Variants in DPYD observed in about 807,000 individuals in gnomAD.
DPYD encodes dihydropyrimidine dehydrogenase [NADP(+)].
A neutral mutation model predicts 116.2 loss-of-function variants in DPYD; 109 were observed. The observed-to-expected ratio is 0.94, with a 90% CI of 0.80 to 1.10. DPYD has a LOEUF of 1.10. DPYD is among the 50% of genes least tolerant of loss of function. DPYD has a pLI of 0.00. For missense variants in DPYD, 1,302 were observed against 1,254.5 expected, an observed-to-expected ratio of 1.04 and a Z score of -0.57; for synonymous variants, 440 against 432.0, an observed-to-expected ratio of 1.02 and a Z score of -0.23.
chr1:97,139,838 T>C (rs1361370410), intron 20 of DPYD, among the ~76,000 whole-genome samples: 1 of 152,120 alleles, frequency 6.6e-6, no homozygotes, highest in Non-Finnish European at 1.5e-5. Context: ...CTGTCACCCA[T>C]AGCTCTAAGG....
chr1:97,896,496 T>C (rs1293528244), intron 1 of DPYD, among the ~76,000 whole-genome samples: 1 of 151,820 alleles, frequency 6.6e-6, no homozygotes, highest in Non-Finnish European at 1.5e-5. Context: ...TTTAAGTGAC[T>C]TTATTTTTTT....
At chr1:97,555,793 G>T (rs907416138) in intron 11 of DPYD, among the ~76,000 whole-genome samples, 1 of 151,904 alleles carries the variant, frequency 6.6e-6, no homozygotes, top group Non-Finnish European at 1.5e-5. Context: ...CTCCACATGG[G>T]CCCAAGAATC....
intron 12 of DPYD, among the ~76,000 whole-genome samples, chr1:97,517,024 T>G (rs777580376): frequency 3.9e-5 from 6 of 152,096 alleles, no homozygotes; most frequent in Non-Finnish European, 7.4e-5. Context: ...GAGTGTGTCT[T>G]GTGTAGATAA....
chr1:97,483,498 G>C (rs545918274), intron 13 of DPYD, among the ~76,000 whole-genome samples: 27 of 152,250 alleles, frequency 1.8e-4, no homozygotes, highest in African/African-American at 5.3e-4. Context: ...ACTCGGTCCT[G>C]TTGGGGCTGG....
chr1:97,212,148 CA>C (rs1446612045), intron 19 of DPYD, among the ~76,000 whole-genome samples: 3 of 152,068 alleles, frequency 2.0e-5, no homozygotes, highest in Non-Finnish European at 4.4e-5. Flanking sequence ...TAGAGTTGTG[CA>C]GCATCACCAC....
chr1:97,123,980 G>A (rs1652641564), intron 20 of DPYD, among the ~76,000 whole-genome samples: 1 of 152,100 alleles, frequency 6.6e-6, no homozygotes, highest in Non-Finnish European at 1.5e-5. Flanking sequence ...CCATTGTGAA[G>A]TTCTATCTCT....
intron 16 of DPYD, among the ~76,000 whole-genome samples, chr1:97,313,751 G>T (rs1667651755): frequency 6.6e-6 from 1 of 151,842 alleles, no homozygotes; most frequent in African/African-American, 2.4e-5. Flanking sequence ...ATTAGTAAAT[G>T]ACTGCCTCTT....
chr1:97,231,535 T>C (rs1179794297), intron 19 of DPYD, among the ~76,000 whole-genome samples: 2 of 152,058 alleles, frequency 1.3e-5, no homozygotes, highest in African/African-American at 4.8e-5. Context: ...AACCACCAGA[T>C]CTAGTGAGAC....
At chr1:97,670,103 G>A (rs1229800968) in intron 8 of DPYD, among the ~76,000 whole-genome samples, 1 of 152,084 alleles carries the variant, frequency 6.6e-6, no homozygotes, top group Non-Finnish European at 1.5e-5. Flanking sequence ...GTGGGCGGAG[G>A]GGAAGGGTTG....
chr1:97,751,448 GTGTGTGTGTGTGTATATATA>G (rs1378495585), intron 3 of DPYD, among the ~76,000 whole-genome samples: 38 of 30,460 alleles, frequency 1.2e-3, no homozygotes, highest in Middle Eastern at 0.019. Flanking sequence ...GTGTGTGTGT[GTGTGTGTGTGTGTATATATA>G]TATATATATA....
chr1:97,257,452 T>TATATATATATATAGAGAGAG (rs375490078), intron 18 of DPYD, among the ~76,000 whole-genome samples: 101 of 126,450 alleles, frequency 8.0e-4, no homozygotes, highest in South Asian at 3.3e-3. Flanking sequence ...TATATATATA[T>TATATATATATATAGAGAGAG]AGAGAGAGAG....
chr1:97,855,334 AG>A (rs1000309440), intron 2 of DPYD: 1 of 152,222 alleles, frequency 6.6e-6, no homozygotes, highest in Non-Finnish European at 1.5e-5. Context: ...CCCTAAGCCC[AG>A]GCACAGGTCC....
intron 18 of DPYD, among the ~76,000 whole-genome samples, chr1:97,244,231 T>A (rs918721401): frequency 1.3e-5 from 2 of 152,044 alleles, no homozygotes; most frequent in Non-Finnish European, 2.9e-5. Flanking sequence ...TTTATTTAAA[T>A]AACCAATTTC....
intron 10 of DPYD, among the ~76,000 whole-genome samples, chr1:97,587,567 G>A (rs920215820): frequency 1.3e-5 from 2 of 151,952 alleles, no homozygotes; most frequent in Non-Finnish European, 1.5e-5. Flanking sequence ...GGCTCACACC[G>A]GTAATCCCCG....
At chr1:97,592,007 T>G (rs1449165958) in intron 10 of DPYD, among the ~76,000 whole-genome samples, 1 of 152,158 alleles carries the variant, frequency 6.6e-6, no homozygotes, top group East Asian at 1.9e-4. Context: ...AATTTGAAAC[T>G]CAGCCATGAA....
chr1:97,668,309 T>C (rs1659672844), intron 8 of DPYD, among the ~76,000 whole-genome samples: 2 of 152,128 alleles, frequency 1.3e-5, no homozygotes, highest in Non-Finnish European at 2.9e-5. Flanking sequence ...CTCAGTTAAA[T>C]CCAGGTTCTA....
intron 13 of DPYD, among the ~76,000 whole-genome samples, chr1:97,473,154 C>A (rs1349880198): frequency 1.3e-5 from 2 of 152,204 alleles, no homozygotes; most frequent in East Asian, 3.8e-4. Context: ...CTGGCAACTA[C>A]CATCTTACTC....
chr1:97,864,546 C>A (rs1671277835), intron 2 of DPYD, among the ~76,000 whole-genome samples: 1 of 151,800 alleles, frequency 6.6e-6, no homozygotes, highest in South Asian at 2.1e-4. Flanking sequence ...CCTCCCCCCA[C>A]ACCTCTGTAG....
chr1:97,640,250 T>TA (rs755446959), intron 8 of DPYD, among the ~76,000 whole-genome samples: 1 of 152,120 alleles, frequency 6.6e-6, no homozygotes, highest in East Asian at 1.9e-4. Context: ...GATTTTTTTT[T>TA]ATTATTGCTT....
Sources: allele counts gnomAD v4.1 joint callset (sites outside exome capture counted in the v4.1 genomes callset), GRCh38; gene constraint gnomAD v4.1.1; transcripts MANE v1.5; gene names NCBI Gene and HGNC (gene_info 2026-07-23, HGNC 2026-07-21).